PTPRN2: variants seen among roughly 807,000 people sequenced by gnomAD.
PTPRN2 encodes the protein receptor-type tyrosine-protein phosphatase N2.
In PTPRN2, 74 loss-of-function variants were observed where a neutral mutation model predicts 118.8. The observed-to-expected ratio is 0.62, with a 90% CI of 0.52 to 0.76. The LOEUF is 0.76. PTPRN2 is among the 30% of genes least tolerant of loss of function. The pLI, the probability that PTPRN2 is intolerant of heterozygous loss-of-function variation, is 0.00. For missense variants in PTPRN2, 1,481 were observed against 1,394.4 expected (o/e 1.06, Z -0.99); for synonymous variants, 641 against 608.0 (o/e 1.05, Z -0.80).
intron 9 of PTPRN2, among the ~76,000 whole-genome samples, chr7:158,120,257 G>GAAAA (rs1817050164): frequency 2.0e-5 from 3 of 152,156 alleles, no homozygotes; most frequent in Admixed American, 2.0e-4. Context: ...CTCTGGGGAT[G>GAAAA]GACAGCGGTG....
At position 158,337,386 on chromosome 7, in the gene PTPRN2, G is replaced by T. The variant is rs1357378803; in HGVS notation, c.164-20454C>A. On this transcript the variant is annotated intron_variant, in intron 2 of 22. Coordinates refer to ENST00000389418, the MANE Select transcript of PTPRN2 (RefSeq NM_002847.5). ...CCTCACACCCACACTCTCACCATAA[G>T]AGGTAACACCTGCAGACGTCCCTCA... Among the ~76,000 whole-genome samples, 375 of 101,006 alleles carry T rather than the reference G, an allele frequency of 3.7e-3. 1 individual carries two copies. The highest frequency in any genetic ancestry group is 0.012 in the African/African-American group (334 of 27,952). The allele number at this position is 101,006 out of a possible 152,430, so 66.3% of individuals were successfully genotyped here. A position where few individuals can be genotyped will look rare whatever the true frequency, so the allele number is the denominator to read the frequency against.
chr7:158,458,502 T>C (rs1404111260), intron 2 of PTPRN2, among the ~76,000 whole-genome samples: 1 of 151,960 alleles, frequency 6.6e-6, no homozygotes, highest in East Asian at 1.9e-4. Context: ...TTTTAAAAGC[T>C]CTAATAGTCA....
At chr7:158,388,208 G>A (rs774377087) in intron 2 of PTPRN2, among the ~76,000 whole-genome samples, 18 of 152,070 alleles carry the variant, frequency 1.2e-4, no homozygotes, top group African/African-American at 3.4e-4. Flanking sequence ...GGACCCTTCC[G>A]AGTGGCCATC....
intron 11 of PTPRN2, among the ~76,000 whole-genome samples, chr7:157,943,457 C>T (rs1800271789): frequency 6.6e-6 from 1 of 152,162 alleles, no homozygotes; most frequent in East Asian, 1.9e-4. Context: ...CCACAGGAAG[C>T]ATCTGCTGGC....
rs62476805 is a variant in PTPRN2, at chr7:157,621,285, C to G, written c.2344+77G>C. The G allele has an allele frequency of 2.0e-3, 1,543 of 770,902 alleles. 4 individuals are homozygous for G. Among genetic ancestry groups the G allele is most frequent in the Admixed American group, 5.9e-3 (132 of 22,396 alleles). 47.8% of individuals were successfully genotyped at this position (770,902 alleles called of 1,614,324 possible). ...GGAACCCTGGCCTCCTGCCCTCGGG[C>G]CTGGTATGTACAGGTCAGCACGGCC... is the stretch of plus-strand genomic sequence containing the variant. On this transcript the variant is annotated intron_variant, in intron 15 of 22. Coordinates refer to ENST00000389418, the MANE Select transcript of PTPRN2 (RefSeq NM_002847.5).
At chr7:158,403,505 G>T (rs73516688) in intron 2 of PTPRN2, among the ~76,000 whole-genome samples, 1 of 152,146 alleles carries the variant, frequency 6.6e-6, no homozygotes, top group East Asian at 1.9e-4. Flanking sequence ...TTTGAGAATC[G>T]TGCCCGGAGC....
chr7:157,910,705 CGT>C (rs34091528), intron 11 of PTPRN2, among the ~76,000 whole-genome samples: 22,090 of 151,210 alleles, frequency 0.15, 4,559 homozygotes, highest in African/African-American at 0.45. Flanking sequence ...CGGCAGGGCA[CGT>C]GTGTGTGTGT....
At chr7:157,852,597 G>A (rs976817550) in intron 12 of PTPRN2, among the ~76,000 whole-genome samples, 6 of 152,178 alleles carry the variant, frequency 3.9e-5, no homozygotes, top group Non-Finnish European at 8.8e-5. Flanking sequence ...CTGGCCGGGT[G>A]CGGTGGCTCA....
Position 157,550,720 on chromosome 7 carries a change from A to G in PTPRN2, c.2903-1701T>C, listed in dbSNP as rs1798557097. The stretch of plus-strand genomic sequence containing the variant: ...CATGAGGGCCACCACCTTTTAAGCC[A>G]GAGCCTCTGCAGGCATAAAAGGCGG... On this transcript the variant is annotated intron_variant, in intron 21 of 22. Coordinates refer to ENST00000389418, the MANE Select transcript of PTPRN2 (RefSeq NM_002847.5). This position sits in a 1 kb window ranked among gnomAD's most constrained non-coding sequence, Gnocchi z 5.2. Among the ~76,000 whole-genome samples the G allele has an allele frequency of 6.6e-6, 1 of 152,240 alleles. No individual in the cohort carries two copies. Among genetic ancestry groups the G allele is most frequent in the Non-Finnish European group, 1.5e-5 (1 of 68,036 alleles).
At chr7:158,188,317 C>T (rs1431580311) in intron 5 of PTPRN2, among the ~76,000 whole-genome samples, 2 of 109,302 alleles carry the variant, frequency 1.8e-5, no homozygotes, top group Admixed American at 9.2e-5. Context: ...TGGGGAAGGC[C>T]GCCACGCTCG....
rs1052621103 is a variant in PTPRN2, at chr7:157,874,010, G to A, written c.1788+24663C>T. Among the ~76,000 whole-genome samples, 4 of 152,216 alleles carry A rather than the reference G, an allele frequency of 2.6e-5. No individual in the cohort carries two copies. Among genetic ancestry groups the A allele is most frequent in the African/African-American group, 9.6e-5 (4 of 41,460 alleles). ...AGTCCCAGGACCCTGAGCAGCCTCGGGAAGAGCTCTCGGGACCTCGGGGGA... is the reference window on the plus strand; with the variant it reads ...AGTCCCAGGACCCTGAGCAGCCTCGAGAAGAGCTCTCGGGACCTCGGGGGA... On this transcript the variant is annotated intron_variant, in intron 12 of 22. Transcript: ENST00000389418. The surrounding 1 kb of genome is among the most constrained non-coding windows in gnomAD (Gnocchi z 5.8).
chr7:158,459,403 G>C (rs189074546), intron 2 of PTPRN2, among the ~76,000 whole-genome samples: 1 of 150,740 alleles, frequency 6.6e-6, no homozygotes, highest in South Asian at 2.1e-4. Context: ...CAGAGCCCTC[G>C]CCTGGGACGA....
chr7:157,921,667 T>G (rs1302867101), intron 11 of PTPRN2, among the ~76,000 whole-genome samples: 4 of 152,244 alleles, frequency 2.6e-5, no homozygotes, highest in African/African-American at 9.6e-5. Flanking sequence ...CGTCTCATTA[T>G]ACATGCTCAT....
intron 3 of PTPRN2, among the ~76,000 whole-genome samples, chr7:158,301,806 T>C (rs142159499): frequency 6.6e-6 from 1 of 152,238 alleles, no homozygotes; most frequent in Non-Finnish European, 1.5e-5. Context: ...GAAAATTAGC[T>C]GGGCATGGTG....
At position 158,280,008 on chromosome 7, in the gene PTPRN2, C is replaced by A. The variant is rs1799307822; in HGVS notation, c.277+36811G>T. Among the ~76,000 whole-genome samples the A allele has an allele frequency of 2.6e-5, 4 of 151,426 alleles. No individual in the cohort carries two copies. In the South Asian group the frequency reaches 8.4e-4, roughly 32 times the overall value. ...GGACGGCCCCCACGCCCCACCGCTGCCCCCGAACCCACAGAGCCCCGCGGC... is the reference window on the plus strand; with the variant it reads ...GGACGGCCCCCACGCCCCACCGCTGACCCCGAACCCACAGAGCCCCGCGGC... On this transcript the variant is annotated intron_variant, in intron 3 of 22. Transcript: ENST00000389418.
chr7:157,817,099 C>A (rs73746641), intron 12 of PTPRN2, among the ~76,000 whole-genome samples: 1 of 152,292 alleles, frequency 6.6e-6, no homozygotes, highest in African/African-American at 2.4e-5. Flanking sequence ...GGCATGGGAG[C>A]GCTGTGTTCC....
intron 1 of PTPRN2, among the ~76,000 whole-genome samples, chr7:158,501,706 G>C (rs1822374777): frequency 6.6e-6 from 1 of 152,186 alleles, no homozygotes; most frequent in Admixed American, 6.5e-5. Flanking sequence ...GGCCTTTTCT[G>C]TGTAGCCAGG....
At chr7:158,415,257 T>C (rs1312850538) in intron 2 of PTPRN2, among the ~76,000 whole-genome samples, 4 of 152,186 alleles carry the variant, frequency 2.6e-5, no homozygotes, top group Non-Finnish European at 2.9e-5. Flanking sequence ...GACGCAAAGC[T>C]GATGAATGAC....
At chr7:157,829,286 C>G (rs966053603) in intron 12 of PTPRN2, among the ~76,000 whole-genome samples, 4 of 152,182 alleles carry the variant, frequency 2.6e-5, no homozygotes, top group Non-Finnish European at 4.4e-5. Context: ...GGGGCAGGTG[C>G]TATCTGAACA....
Sources: allele counts gnomAD v4.1 joint callset (sites outside exome capture counted in the v4.1 genomes callset), GRCh38; gene constraint gnomAD v4.1.1; non-coding constraint Gnocchi (gnomAD v3.1); transcripts MANE v1.5; gene names NCBI Gene and HGNC (gene_info 2026-07-23, HGNC 2026-07-21).